PDE1C: variants seen among roughly 807,000 people sequenced by gnomAD.
PDE1C encodes the protein phosphodiesterase 1C, also known as dual specificity calcium/calmodulin-dependent 3',5'-cyclic nucleotide phosphodiesterase 1C.
PDE1C carries 62 observed loss-of-function variants against 93.1 expected under a neutral mutation model. That is an observed-to-expected ratio of 0.67 (90% CI 0.54 to 0.82). The LOEUF (loss-of-function observed/expected upper bound fraction) is 0.82. Ranked by LOEUF, PDE1C falls within the 40% of genes least tolerant of loss-of-function variation. The pLI, the probability that PDE1C is intolerant of heterozygous loss-of-function variation, is 0.00. For synonymous variants in PDE1C, 325 were observed against 310.1 expected, an observed-to-expected ratio of 1.05 and a Z score of -0.50; for missense variants, 742 against 884.6, an observed-to-expected ratio of 0.84 and a Z score of 2.04.
At chr7:31,816,270 G>A (rs1436367032) in intron 14 of PDE1C, 116 bp from the exon 15 acceptor site, 19 of 917,540 alleles carry the variant, frequency 2.1e-5, no homozygotes, top group Non-Finnish European at 3.3e-6. Flanking sequence ...GAGTGTTTGG[G>A]TACATTTTTG....
chr7:31,658,078 G>A, the PDE1C span, among the ~76,000 whole-genome samples: 3 of 152,062 alleles, frequency 2.0e-5, no homozygotes, highest in African/African-American at 7.2e-5. Flanking sequence ...CCTTGATTTC[G>A]TTATGCATGA....
intron 1 of PDE1C, among the ~76,000 whole-genome samples, chr7:32,348,316 C>A (rs1190661008): frequency 1.4e-5 from 2 of 140,148 alleles, no homozygotes; most frequent in African/African-American, 5.3e-5. Flanking sequence ...CACTTGAAGA[C>A]TTTCTTTCTC....
At chr7:32,310,017 A>C (rs892025537) in intron 1 of PDE1C, among the ~76,000 whole-genome samples, 5 of 152,216 alleles carry the variant, frequency 3.3e-5, no homozygotes, top group African/African-American at 9.7e-5. Context: ...TGTCATGTGC[A>C]GAGACACACA....
At chr7:31,920,321 C>G (rs565903648) in intron 2 of PDE1C, among the ~76,000 whole-genome samples, 30 of 150,122 alleles carry the variant, frequency 2.0e-4, no homozygotes, top group Middle Eastern at 6.8e-3. Flanking sequence ...GTCTCTTTTT[C>G]CCCTCCCCCT....
chr7:31,713,951 G>A, the PDE1C span, among the ~76,000 whole-genome samples: 1 of 152,132 alleles, frequency 6.6e-6, no homozygotes, highest in Non-Finnish European at 1.5e-5. Flanking sequence ...GACTGGTGCT[G>A]CAAAGGTCTC....
chr7:32,186,124 C>A (rs1803853235), intron 2 of PDE1C, among the ~76,000 whole-genome samples: 1 of 135,278 alleles, frequency 7.4e-6, no homozygotes, highest in South Asian at 2.4e-4. Context: ...GAGACGGAGT[C>A]TCGCTCTGTC....
At chr7:32,425,259 C>T (rs1214343315) in intron 1 of PDE1C, among the ~76,000 whole-genome samples, 1 of 152,144 alleles carries the variant, frequency 6.6e-6, no homozygotes, top group Non-Finnish European at 1.5e-5. Flanking sequence ...TAAAAGGCTA[C>T]CTAGCTTCAC....
At chr7:32,379,186 T>C (rs1025429410) in intron 1 of PDE1C, among the ~76,000 whole-genome samples, 7 of 152,176 alleles carry the variant, frequency 4.6e-5, no homozygotes, top group Non-Finnish European at 7.3e-5. Context: ...TTCTCCCCAC[T>C]CACTGTACTG....
rs908556114 is a variant in PDE1C at position 31,784,728 on chromosome 7, C to T, written c.1892-8996G>A. ...GAGCTGATAAAAACCTAACCAAGCT[C>T]TACAAATGAAAATAGCAAATATATT... On this transcript the variant is annotated intron_variant, in intron 16 of 17. Transcript: ENST00000396191. 7 of 151,930 alleles carry T rather than the reference C, an allele frequency of 4.6e-5. No homozygotes were observed. In the East Asian group the frequency reaches 1.3e-3, roughly 29 times the overall value. The allele number at this position is 151,930 out of a possible 1,614,324, so 9.4% of individuals were successfully genotyped here.
chr7:32,390,541 G>GAA lies in PDE1C; in HGVS notation c.310+37279_310+37280dup, dbSNP rs753651084. Among the ~76,000 whole-genome samples the GAA allele has an allele frequency of 1.3e-3, 117 of 93,042 alleles. 1 individual carries two copies. The highest frequency in any genetic ancestry group is 1.7e-3 in the South Asian group (5 of 2,948). The allele number at this position is 93,042 out of a possible 152,430, so 61.0% of individuals were successfully genotyped here. On this transcript the variant is annotated intron_variant, in intron 1 of 1. Transcript: ENST00000672256. ...AGAATCCTGCTCTAGAGTGATCATT[G>GAA]AAAAAAAAAAAAAAAAAAAACTTGG... is the stretch of plus-strand genomic sequence containing the variant.
intron 1 of PDE1C, among the ~76,000 whole-genome samples, chr7:32,333,134 G>A (rs1240405572): frequency 6.6e-6 from 1 of 152,138 alleles, no homozygotes; most frequent in Non-Finnish European, 1.5e-5. Flanking sequence ...CATAGTCAAA[G>A]TAAACCAAGG....
intron 2 of PDE1C, among the ~76,000 whole-genome samples, chr7:31,956,755 A>T (rs2129023495): frequency 6.6e-6 from 1 of 152,222 alleles, no homozygotes; most frequent in Non-Finnish European, 1.5e-5. Flanking sequence ...CTCAACACAA[A>T]CTAAAATTCC....
At chr7:32,070,764 C>A, upstream of PDE1C, 3 of 1,050,132 alleles carry the variant, frequency 2.9e-6, no homozygotes, top group African/African-American at 3.4e-5. Context: ...AAGCGATCAG[C>A]GCGCAGCTAA....
rs570814453 is a variant in PDE1C at position 32,424,553 on chromosome 7, C to T, written c.310+3269G>A. Among the ~76,000 whole-genome samples the T allele has an allele frequency of 5.3e-5, 8 of 152,228 alleles. No individual in the cohort carries two copies. In the East Asian group the frequency reaches 7.7e-4, roughly 15 times the overall value. Reference sequence around the variant, plus strand: ...ATCCCAGTACTTTGGGAGGCTGAGGCGGGTGGATCACTTGAGCCCAGGCCT... The same window carrying T: ...ATCCCAGTACTTTGGGAGGCTGAGGTGGGTGGATCACTTGAGCCCAGGCCT... On this transcript the variant is annotated intron_variant, in intron 1 of 1. Transcript: ENST00000672256.
chr7:31,895,023 C>T (rs1172947617), intron 2 of PDE1C, among the ~76,000 whole-genome samples: 1 of 152,086 alleles, frequency 6.6e-6, no homozygotes, highest in African/African-American at 2.4e-5. Flanking sequence ...TCCCAGGACA[C>T]CCTTACACAA....
chr7:32,190,048 T>C (rs1273671121), intron 2 of PDE1C, among the ~76,000 whole-genome samples: 1 of 152,246 alleles, frequency 6.6e-6, no homozygotes, highest in Non-Finnish European at 1.5e-5. Context: ...TGGGCTTTCT[T>C]TGGCTTCTGA....
chr7:31,714,133 C>T, the PDE1C span, among the ~76,000 whole-genome samples: 1 of 152,152 alleles, frequency 6.6e-6, no homozygotes, highest in African/African-American at 2.4e-5. Flanking sequence ...AAACTGAATG[C>T]TTTTAACAGC....
At chr7:31,750,789 C>T (rs886984933), downstream of PDE1C, among the ~76,000 whole-genome samples, 2 of 152,178 alleles carry the variant, frequency 1.3e-5, no homozygotes, top group East Asian at 1.9e-4. Context: ...TGGAATGCAG[C>T]GGCGTGATCT....
chr7:32,375,818 TA>T (rs1784423340), intron 1 of PDE1C, among the ~76,000 whole-genome samples: 1 of 152,220 alleles, frequency 6.6e-6, no homozygotes, highest in African/African-American at 2.4e-5. Flanking sequence ...GCTTTTTACA[TA>T]AGGGATGAAT....
Sources: allele counts gnomAD v4.1 joint callset (sites outside exome capture counted in the v4.1 genomes callset), GRCh38; gene constraint gnomAD v4.1.1; transcripts MANE v1.5; gene names NCBI Gene and HGNC (gene_info 2026-07-23, HGNC 2026-07-21).